RPS6KC1: variants seen among roughly 807,000 people sequenced by gnomAD.
RPS6KC1 encodes inactive ribosomal protein S6 kinase delta-1.
A neutral mutation model predicts 103.8 loss-of-function variants in RPS6KC1; 54 were observed. That is an observed-to-expected ratio of 0.52 (90% CI 0.42 to 0.65). The LOEUF is 0.65. RPS6KC1 is among the 30% of genes least tolerant of loss of function. RPS6KC1 has a pLI of 0.00. For synonymous variants in RPS6KC1, 439 were observed against 438.7 expected, an observed-to-expected ratio of 1.00 and a Z score of -0.01; for missense variants, 1,151 against 1,253.8, an observed-to-expected ratio of 0.92 and a Z score of 1.24.
At chr1:213,297,385 C>T in the RPS6KC1 span, among the ~76,000 whole-genome samples, 1 of 152,186 alleles carries the variant, frequency 6.6e-6, no homozygotes, top group Non-Finnish European at 1.5e-5. Flanking sequence ...GTGTGTGAAC[C>T]GTGGCCTAGT....
At chr1:213,061,934 A>T (rs1000067671) in intron 1 of RPS6KC1, among the ~76,000 whole-genome samples, 1 of 152,232 alleles carries the variant, frequency 6.6e-6, no homozygotes, top group Non-Finnish European at 1.5e-5. Context: ...TAGCAGCTGA[A>T]CAGTGATAGT....
chr1:213,788,974 A>G, the RPS6KC1 span, among the ~76,000 whole-genome samples: 110 of 152,250 alleles, frequency 7.2e-4, no homozygotes, highest in Admixed American at 9.2e-4. Flanking sequence ...AGCAGAGGGG[A>G]AAAAAGTAGC....
the RPS6KC1 span, among the ~76,000 whole-genome samples, chr1:213,823,748 A>ACACACACACACACACAC: frequency 2.0e-5 from 3 of 151,882 alleles, no homozygotes; most frequent in Middle Eastern, 3.4e-3. Flanking sequence ...ACACACACAC[A>ACACACACACACACACAC]CACACCACAC....
chr1:213,643,263 T>G, the RPS6KC1 span, among the ~76,000 whole-genome samples: 4 of 151,962 alleles, frequency 2.6e-5, no homozygotes, highest in East Asian at 7.7e-4. Flanking sequence ...AATTTGAATC[T>G]TCTCATCCAT....
chr1:213,677,796 A>G, the RPS6KC1 span, among the ~76,000 whole-genome samples: 3 of 152,142 alleles, frequency 2.0e-5, no homozygotes, highest in African/African-American at 7.2e-5. Context: ...TCACGAGATC[A>G]GGAGTTCGAG....
chr1:213,726,314 A>G, the RPS6KC1 span, among the ~76,000 whole-genome samples: 1 of 152,126 alleles, frequency 6.6e-6, no homozygotes, highest in Non-Finnish European at 1.5e-5. Context: ...ACCCCAAACA[A>G]CCCTCCTTCC....
the RPS6KC1 span, among the ~76,000 whole-genome samples, chr1:213,722,524 C>T: frequency 6.6e-6 from 1 of 152,184 alleles, no homozygotes; most frequent in Non-Finnish European, 1.5e-5. Flanking sequence ...TTTTAGCCTA[C>T]AGTTTAGAAT....
chr1:213,407,071 C>T, the RPS6KC1 span, among the ~76,000 whole-genome samples: 1 of 152,268 alleles, frequency 6.6e-6, no homozygotes, highest in Admixed American at 6.5e-5. Context: ...CCCCAGCCCC[C>T]AAGGTCCTAC....
the RPS6KC1 span, among the ~76,000 whole-genome samples, chr1:213,657,473 G>T: frequency 6.6e-6 from 1 of 151,952 alleles, no homozygotes; most frequent in Non-Finnish European, 1.5e-5. Context: ...ATATTTTTTT[G>T]CCTTGGAATT....
the RPS6KC1 span, among the ~76,000 whole-genome samples, chr1:213,665,198 A>AC: frequency 7.7e-6 from 1 of 129,836 alleles, no homozygotes; most frequent in Non-Finnish European, 1.7e-5. Flanking sequence ...GAAACAAGCA[A>AC]AAACAACAAC....
chr1:213,453,187 C>A, the RPS6KC1 span, among the ~76,000 whole-genome samples: 1 of 152,042 alleles, frequency 6.6e-6, no homozygotes, highest in African/African-American at 2.4e-5. Context: ...TAAGGAGAGG[C>A]AATTTACCAA....
the RPS6KC1 span, among the ~76,000 whole-genome samples, chr1:213,365,163 A>G: frequency 6.6e-6 from 1 of 152,242 alleles, no homozygotes; most frequent in Admixed American, 6.5e-5. Flanking sequence ...TTGCAAATGC[A>G]GAACCAGTAT....
the RPS6KC1 span, among the ~76,000 whole-genome samples, chr1:213,509,706 G>T: frequency 2.6e-5 from 4 of 152,190 alleles, no homozygotes; most frequent in African/African-American, 9.7e-5. Context: ...GTATCAAAGG[G>T]TAAGCAGTAC....
the RPS6KC1 span, among the ~76,000 whole-genome samples, chr1:213,683,174 G>T: frequency 6.6e-6 from 1 of 152,180 alleles, no homozygotes; most frequent in South Asian, 2.1e-4. Context: ...AGTTCATCAT[G>T]CTGATTTCTC....
the RPS6KC1 span, among the ~76,000 whole-genome samples, chr1:213,282,197 G>A: frequency 6.6e-6 from 1 of 152,192 alleles, no homozygotes; most frequent in African/African-American, 2.4e-5. Context: ...TTGAGAATAT[G>A]GTTTCAACCA....
chr1:213,297,482 T>C, the RPS6KC1 span, among the ~76,000 whole-genome samples: 1 of 152,206 alleles, frequency 6.6e-6, no homozygotes, highest in South Asian at 2.1e-4. Context: ...TCTCTTTACC[T>C]TTTTTAGGAT....
At chr1:213,585,158 G>T in the RPS6KC1 span, among the ~76,000 whole-genome samples, 1 of 152,154 alleles carries the variant, frequency 6.6e-6, no homozygotes, top group Admixed American at 6.5e-5. Flanking sequence ...AGGCTGTTGA[G>T]GTTAATTGAG....
the RPS6KC1 span, among the ~76,000 whole-genome samples, chr1:213,610,493 C>T: frequency 8.5e-5 from 13 of 152,178 alleles, no homozygotes; most frequent in African/African-American, 3.1e-4. Context: ...CCTCGACCAT[C>T]AGGGACACGA....
At chr1:213,707,079 G>A in the RPS6KC1 span, among the ~76,000 whole-genome samples, 2 of 152,116 alleles carry the variant, frequency 1.3e-5, no homozygotes, top group Non-Finnish European at 2.9e-5. Flanking sequence ...TGGGATTGCT[G>A]GGTCAAATGG....
Sources: allele counts gnomAD v4.1 joint callset (sites outside exome capture counted in the v4.1 genomes callset), GRCh38; gene constraint gnomAD v4.1.1; transcripts MANE v1.5; gene names NCBI Gene and HGNC (gene_info 2026-07-23, HGNC 2026-07-21).